SLC35F3: variants seen among roughly 807,000 people sequenced by gnomAD.
SLC35F3 encodes the protein putative thiamine transporter SLC35F3.
In SLC35F3, 25 loss-of-function variants were observed where a neutral mutation model predicts 49.9. The observed-to-expected ratio is 0.50, with a 90% confidence interval of 0.37 to 0.70. The LOEUF (loss-of-function observed/expected upper bound fraction) is 0.70, where lower values mean the gene tolerates loss of function less well. Ranked by LOEUF, SLC35F3 falls within the 30% of genes least tolerant of loss-of-function variation. The probability of loss-of-function intolerance (pLI) is 0.00; values close to 1 mark genes in which losing one functional copy is unlikely to be tolerated. For synonymous variants in SLC35F3, 275 were observed against 265.4 expected, an observed-to-expected ratio of 1.04 and a Z score of -0.35; for missense variants, 525 against 639.8, an observed-to-expected ratio of 0.82 and a Z score of 1.94.
At chr1:234,206,465 T>TG (rs898108687) in intron 2 of SLC35F3, among the ~76,000 whole-genome samples, 3 of 89,896 alleles carry the variant, frequency 3.3e-5, no homozygotes, top group Non-Finnish European at 6.2e-5. Flanking sequence ...TTCCTGGGGG[T>TG]GGGGGGGACT....
rs569068336 is a variant in SLC35F3, at chr1:234,187,713, C to A, written c.284-43704C>A. 4.0e-4 allele frequency among the ~76,000 whole-genome samples: 61 copies of A among 152,302 alleles called. No homozygotes were observed. In the South Asian group the frequency reaches 9.3e-3, roughly 23 times the overall value. On this transcript the variant is annotated intron_variant, in intron 2 of 7. Transcript: ENST00000366618. ...GAGACAATGTAGACACCTGAGTGAA[C>A]TACAGAGGTAGAGGAAGCAGCAGGA...
chr1:234,146,300 C>T (rs1665993983), intron 2 of SLC35F3, among the ~76,000 whole-genome samples: 1 of 152,016 alleles, frequency 6.6e-6, no homozygotes. Context: ...ATCTGTCTCT[C>T]TCACCTCACA....
At chr1:234,318,703 G>C in intron 5 of SLC35F3, 48 bp from the exon 6 acceptor site, 1 of 1,530,242 alleles carries the variant, frequency 6.5e-7, no homozygotes, top group Non-Finnish European at 8.9e-7. Context: ...CATCATATTG[G>C]GGTCTGAGGT....
intron 3 of SLC35F3, among the ~76,000 whole-genome samples, chr1:234,240,857 C>A (rs1247610183): frequency 6.6e-6 from 1 of 152,074 alleles, no homozygotes; most frequent in African/African-American, 2.4e-5. Flanking sequence ...GAGGAAGGAG[C>A]CTTTCTTGGC....
chr1:234,108,382 A>G (rs1206967751), intron 2 of SLC35F3, among the ~76,000 whole-genome samples: 4 of 95,532 alleles, frequency 4.2e-5, no homozygotes, highest in Non-Finnish European at 7.9e-5. Flanking sequence ...TTATTTATAT[A>G]TATAAAAGAT....
chr1:233,981,250 A>G (rs1402772297), intron 2 of SLC35F3, among the ~76,000 whole-genome samples: 1 of 152,174 alleles, frequency 6.6e-6, no homozygotes, highest in African/African-American at 2.4e-5. Flanking sequence ...CATAATCAAG[A>G]CACAGAACGG....
At chr1:233,913,027 C>T (rs1175622586) in intron 2 of SLC35F3, among the ~76,000 whole-genome samples, 4 of 152,184 alleles carry the variant, frequency 2.6e-5, no homozygotes, top group Admixed American at 6.5e-5. Flanking sequence ...GCCCTAAAAG[C>T]TTACTTACTG....
intron 2 of SLC35F3, among the ~76,000 whole-genome samples, chr1:234,210,067 C>T (rs760602684): frequency 6.6e-6 from 1 of 152,130 alleles, no homozygotes; most frequent in Non-Finnish European, 1.5e-5. Flanking sequence ...CTTTCCCATG[C>T]TGTTCTCATG....
intron 3 of SLC35F3, among the ~76,000 whole-genome samples, chr1:234,232,519 CAAAAAAAAAAAAAAA>C (rs536692686): frequency 4.1e-5 from 3 of 72,362 alleles, no homozygotes; most frequent in Non-Finnish European, 7.4e-5. Flanking sequence ...CAGGCCTAGT[CAAAAAAAAAAAAAAA>C]AAAAAAGAAA....
chr1:234,253,913 G>A (rs890695212), intron 3 of SLC35F3, among the ~76,000 whole-genome samples: 1 of 152,198 alleles, frequency 6.6e-6, no homozygotes, highest in African/African-American at 2.4e-5. Flanking sequence ...GAGATGGCAG[G>A]ATGCTAGCTG....
At chr1:234,140,643 C>G (rs545540116) in intron 2 of SLC35F3, among the ~76,000 whole-genome samples, 1 of 151,632 alleles carries the variant, frequency 6.6e-6, no homozygotes, top group African/African-American at 2.4e-5. Flanking sequence ...CACAAAAGTT[C>G]AGAAACGGCA....
intron 2 of SLC35F3, among the ~76,000 whole-genome samples, chr1:234,171,882 C>G (rs1384533454): frequency 2.0e-5 from 3 of 151,984 alleles, no homozygotes; most frequent in Non-Finnish European, 4.4e-5. Context: ...TTATATGTAC[C>G]GGAACATCAC....
intron 2 of SLC35F3, among the ~76,000 whole-genome samples, chr1:234,172,284 A>G (rs1666410525): frequency 6.6e-6 from 1 of 152,204 alleles, no homozygotes. Context: ...CCCAGGCTGG[A>G]GTGCAGTGGC....
chr1:234,164,102 TTC>T (rs1000750539), intron 2 of SLC35F3, among the ~76,000 whole-genome samples: 4 of 149,108 alleles, frequency 2.7e-5, no homozygotes, highest in Admixed American at 6.7e-5. Context: ...CTCTCTCTCT[TTC>T]TCTCTCTCTC....
chr1:234,322,109 G>T (rs1012810366), intron 7 of SLC35F3, among the ~76,000 whole-genome samples: 7 of 151,786 alleles, frequency 4.6e-5, no homozygotes, highest in African/African-American at 1.7e-4. Context: ...TGGGAGAATC[G>T]CTTGAGCCCG....
chr1:234,218,180 T>C (rs1199810997), intron 2 of SLC35F3, among the ~76,000 whole-genome samples: 1 of 152,244 alleles, frequency 6.6e-6, no homozygotes, highest in Non-Finnish European at 1.5e-5. Flanking sequence ...GTAGCACATC[T>C]CTAATAGACT....
At chr1:234,001,444 A>G (rs891228229) in intron 2 of SLC35F3, among the ~76,000 whole-genome samples, 4 of 152,258 alleles carry the variant, frequency 2.6e-5, no homozygotes, top group Admixed American at 2.0e-4. Context: ...ATGAATGGCT[A>G]TTGTCATAAT....
chr1:234,106,118 C>T (rs1406446371), intron 2 of SLC35F3, among the ~76,000 whole-genome samples: 1 of 152,116 alleles, frequency 6.6e-6, no homozygotes, highest in East Asian at 1.9e-4. Context: ...GGACATACTC[C>T]CGAAATTTGT....
At chr1:234,096,588 T>C (rs1412232178) in intron 2 of SLC35F3, among the ~76,000 whole-genome samples, 3 of 152,214 alleles carry the variant, frequency 2.0e-5, no homozygotes, top group African/African-American at 4.8e-5. Flanking sequence ...CTACAAATTG[T>C]TCTGCATAGC....
Sources: gnomAD v4.1 joint callset for allele counts (sites outside exome capture counted in the v4.1 genomes callset) on GRCh38, gnomAD v4.1.1 for gene constraint, MANE v1.5 for transcripts, NCBI Gene and HGNC (gene_info 2026-07-23, HGNC 2026-07-21) for gene names.